TMEM176A: variants seen among roughly 807,000 people sequenced by gnomAD.
The protein encoded by TMEM176A is transmembrane protein 176A, also known as hepatocellular carcinoma-associated antigen 112.
In TMEM176A, 20 loss-of-function variants were observed where a neutral mutation model predicts 27.9. The observed-to-expected ratio is 0.72, with a 90% CI of 0.50 to 1.04. The LOEUF is 1.04. TMEM176A is among the 50% of genes least tolerant of loss of function. The pLI is 0.00. For synonymous variants in TMEM176A, 125 were observed against 118.0 expected (o/e 1.06, Z -0.38); for missense variants, 252 against 289.1 (o/e 0.87, Z 0.93).
In TMEM176A at chr7:150,803,528, C is replaced by T; in HGVS notation, c.342+72C>T. 15 of 1,578,548 alleles carry T rather than the reference C, an allele frequency of 9.5e-6. 1 individual carries two copies. The Middle Eastern group carries it at 5.7e-4, about 60-fold the overall frequency. On this transcript the variant is annotated intron_variant, in intron 4 of 6. Transcript: ENST00000004103. ...GTCACCCCAATCTCCTGCCCTGTTG[C>T]AGGCTTCTCTGGGCCTTGCCCTTTT...
intron 3 of TMEM176A, 199 bp from the exon 4 acceptor site, chr7:150,803,200 TA>T (rs1321069003): frequency 1.3e-5 from 17 of 1,328,946 alleles, no homozygotes; most frequent in Non-Finnish European, 1.6e-5. Context: ...TAGGTGTCAC[TA>T]AAGCAGGGCC....
At chr7:150,802,151 G>T (rs1798818535) in intron 2 of TMEM176A, 64 bp from the exon 3 acceptor site, 67 of 1,308,298 alleles carry the variant, frequency 5.1e-5, no homozygotes, top group Non-Finnish European at 7.2e-5. Context: ...TGGGGTTTTA[G>T]CGGTTAATCC....
At position 150,801,708 on chromosome 7, in the gene TMEM176A, T is replaced by A; in HGVS notation, c.158T>A (p.Leu53Gln). ...RATQARGSSR[L>Q]LVASWVMQIV... ...ACCCAGGCCAGGGGCAGCAGCCGGC[T>A]GCTGGTGGCCTCGTGGGTGAGTGTG... The change falls in exon 2 of 7, where the codon CTG becomes CAG. Residue 53 changes from leucine (L) to glutamine (Q), a missense_variant. Leu to Gln is a moderately radical substitution (Grantham distance 113). Coordinates refer to ENST00000004103, the MANE Select transcript of TMEM176A (RefSeq NM_018487.3). 5 of 1,549,918 alleles carry A rather than the reference T, an allele frequency of 3.2e-6. No homozygotes were observed. The highest frequency in any genetic ancestry group is 4.3e-6 in the Non-Finnish European group (5 of 1,157,680).
intron 1 of TMEM176A, 81 bp from the exon 2 acceptor site, chr7:150,801,455 G>A (rs1798782893): frequency 7.0e-7 from 1 of 1,435,500 alleles, no homozygotes; most frequent in Non-Finnish European, 9.4e-7. Context: ...AGCCACCACT[G>A]GCCCCTGACC....
rs1285533715 is a variant in TMEM176A, at chr7:150,804,900, C to T, written c.*32C>T. On this transcript the variant is annotated 3_prime_UTR_variant, in exon 7 of 7. Transcript: ENST00000004103. Reference sequence around the variant, plus strand: ...CTCTCCTGATTATTAGTGCCTGGTGCTTCTGCACCGGGCGTCCCTGCATCT... The same window carrying T: ...CTCTCCTGATTATTAGTGCCTGGTGTTTCTGCACCGGGCGTCCCTGCATCT... 3.7e-6 allele frequency: 6 copies of T among 1,612,148 alleles called. No homozygotes were observed. Among genetic ancestry groups the T allele is most frequent in the African/African-American group, 1.3e-5 (1 of 74,858 alleles).
chr7:150,803,382 G>A lies in TMEM176A; in HGVS notation c.286-18G>A. The A allele has an allele frequency of 6.4e-7, 1 of 1,556,788 alleles. No homozygotes were observed. The highest frequency in any genetic ancestry group is 8.7e-7 in the Non-Finnish European group (1 of 1,156,060). On this transcript the variant is annotated intron_variant, in intron 3 of 6. Coordinates refer to ENST00000004103, the MANE Select transcript of TMEM176A (RefSeq NM_018487.3). ...CATTTCCTGTACTAAGCCTGCTCCT[G>A]GCTCAATCTCTCCCCAGGCTGTGCT... is the stretch of plus-strand genomic sequence containing the variant.
Position 150,802,298 on chromosome 7 carries a change from G to A in TMEM176A, c.258G>A (p.Ser86=), listed in dbSNP as rs756579989. ...GCGACTACACCCTCCTCGTCACCTC[G>A]GGAGCTGCCATCTGGACAGGGGCTG... The part of the protein sequence containing the change: ...YIRDYTLLVT[S]GAAIWTGAVA... The change falls in exon 3 of 7, where the codon TCG becomes TCA. Residue 86 remains serine (S), a synonymous_variant. Coordinates refer to ENST00000004103, the MANE Select transcript of TMEM176A (RefSeq NM_018487.3). The A allele has an allele frequency of 1.8e-5, 29 of 1,613,914 alleles. No homozygotes were observed. The highest frequency in any genetic ancestry group is 8.3e-5 in the Admixed American group (5 of 60,000).
intron 1 of TMEM176A, 131 bp from the exon 2 acceptor site, chr7:150,801,405 C>A (rs1413133388): frequency 2.3e-6 from 2 of 860,802 alleles, no homozygotes; most frequent in Non-Finnish European, 3.5e-6. Flanking sequence ...GCCAGGGGTG[C>A]GGCCCTGTGA....
chr7:150,804,628 C>T, intron 6 of TMEM176A, 156 bp downstream of exon 6: 1 of 860,074 alleles, frequency 1.2e-6, no homozygotes, highest in South Asian at 1.6e-5. Flanking sequence ...GTGGCCCAGC[C>T]CAGAAAGCCC....
intron 3 of TMEM176A, chr7:150,802,756 T>C: frequency 9.9e-7 from 1 of 1,006,930 alleles, no homozygotes. Flanking sequence ...TGTCAACAGA[T>C]GGGTGTGTGC....
At chr7:150,803,167 C>G in intron 3 of TMEM176A, 2 of 1,275,734 alleles carry the variant, frequency 1.6e-6, no homozygotes, top group Non-Finnish European at 2.0e-6. Flanking sequence ...GAGGGGCTCA[C>G]ACCTGGCTTG....
In TMEM176A at chr7:150,801,466, TC is replaced by T. The variant is rs1256298795; in HGVS notation, c.-15-66del. The T allele has an allele frequency of 2.0e-6, 3 of 1,497,546 alleles. No individual in the cohort carries two copies. In the Admixed American group the frequency reaches 6.6e-5, roughly 33 times the overall value. The allele number at this position is 1,497,546 out of a possible 1,614,324, so 92.8% of individuals were successfully genotyped here. On this transcript the variant is annotated intron_variant, in intron 1 of 6. Transcript: ENST00000004103. ...TTTGAGCCACCACTGGCCCCTGACCTCCCCAACTCCAATGAAATCTGCGAAA... is the reference window on the plus strand; with the variant it reads ...TTTGAGCCACCACTGGCCCCTGACCTCCCAACTCCAATGAAATCTGCGAAA...
Position 150,802,230 on chromosome 7 carries a change from C to A in TMEM176A, c.190C>A (p.Leu64Met), listed in dbSNP as rs780429312. 6.2e-7 allele frequency: 1 copy of A among 1,614,032 alleles called. No homozygotes were observed. The highest frequency in any genetic ancestry group is 8.5e-7 in the Non-Finnish European group (1 of 1,179,968). ...LVASWVMQIV[L>M]GILSAVLGGF... ...TGTCTTTCAGGTGATGCAGATCGTGCTGGGGATCTTGAGTGCAGTCCTAGG... is the reference window on the plus strand; with the variant it reads ...TGTCTTTCAGGTGATGCAGATCGTGATGGGGATCTTGAGTGCAGTCCTAGG... Residue 64 changes from leucine (L) to methionine (M), a missense_variant, in exon 3 of 7, where the codon CTG becomes ATG. Coordinates refer to ENST00000004103, the MANE Select transcript of TMEM176A (RefSeq NM_018487.3).
At position 150,803,608 on chromosome 7, in the gene TMEM176A, C is replaced by T. The variant is rs780529137; in HGVS notation, c.343-12C>T. ...AAACACAAAGATTTCTCTCTGCCTC[C>T]TCCCTCCCCAGGCCCTGCTGAGGAC... On this transcript the variant is annotated splice_polypyrimidine_tract_variant and intron_variant, in intron 4 of 6. Coordinates refer to ENST00000004103, the MANE Select transcript of TMEM176A (RefSeq NM_018487.3). The T allele has an allele frequency of 9.3e-6, 15 of 1,613,106 alleles. No individual in the cohort carries two copies. The highest frequency in any genetic ancestry group is 1.2e-5 in the Non-Finnish European group (14 of 1,179,464).
chr7:150,802,464 C>G, intron 3 of TMEM176A, 139 bp downstream of exon 3: 1 of 808,378 alleles, frequency 1.2e-6, no homozygotes, highest in South Asian at 1.7e-5. Flanking sequence ...CCTGCCTGTT[C>G]AGATGAGCAA....
intron 2 of TMEM176A, 125 bp from the exon 3 acceptor site, chr7:150,802,090 T>A: frequency 1.4e-6 from 1 of 699,658 alleles, no homozygotes; most frequent in East Asian, 2.6e-5. Flanking sequence ...TCTTCTCTTC[T>A]CTTCTCTTCT....
At chr7:150,803,582 G>A in intron 4 of TMEM176A, 38 bp from the exon 5 acceptor site, 2 of 1,609,970 alleles carry the variant, frequency 1.2e-6, no homozygotes, top group Admixed American at 1.7e-5. Context: ...GAGAGAGACT[G>A]AAACACAAAG....
At chr7:150,801,318 T>C (rs1798775612) in intron 1 of TMEM176A, 2 of 479,966 alleles carry the variant, frequency 4.2e-6, no homozygotes, top group Non-Finnish European at 3.6e-6. Flanking sequence ...AAAGGGGAGG[T>C]TCCCGCAGGC....
At chr7:150,801,241 G>C (rs566364954) in intron 1 of TMEM176A, 138 of 268,222 alleles carry the variant, frequency 5.1e-4, no homozygotes, top group African/African-American at 1.6e-3. Context: ...CGAGGTGTGG[G>C]GCGCTGCTTG....
Sources: allele counts gnomAD v4.1 joint callset, GRCh38; gene constraint gnomAD v4.1.1; transcripts MANE v1.5; gene names NCBI Gene and HGNC (gene_info 2026-07-23, HGNC 2026-07-21).